Variants in STK4 observed in about 807,000 individuals in gnomAD.
STK4 encodes serine/threonine-protein kinase 4.
Under a neutral mutation model 64.9 loss-of-function variants are expected in STK4, and 30 were observed. That is an observed-to-expected ratio of 0.46 (90% confidence interval 0.35 to 0.63). STK4 has a LOEUF of 0.63. STK4 is among the 20% of genes least tolerant of loss of function. STK4 has a pLI of 0.01. For synonymous variants in STK4, 177 were observed against 199.0 expected (o/e 0.89, Z 0.93); for missense variants, 466 against 598.5 (o/e 0.78, Z 2.31).
intron 9 of STK4, among the ~76,000 whole-genome samples, chr20:45,009,321 G>T (rs896451359): frequency 1.3e-5 from 2 of 152,008 alleles, no homozygotes; most frequent in African/African-American, 4.8e-5. Context: ...GTTTTTGTTG[G>T]CCTTGTCGAA....
chr20:45,028,025 G>A (rs550829963), intron 10 of STK4, among the ~76,000 whole-genome samples: 1 of 152,286 alleles, frequency 6.6e-6, no homozygotes, highest in African/African-American at 2.4e-5. Context: ...GGACACTTGG[G>A]TTGATTCCAT....
intron 9 of STK4, among the ~76,000 whole-genome samples, chr20:45,006,586 G>T (rs569134050): frequency 3.3e-5 from 5 of 152,048 alleles, no homozygotes; most frequent in Admixed American, 3.3e-4. Context: ...CTTATGTTTG[G>T]TGAGAATTAT....
chr20:44,999,049 C>T (rs1434257350), intron 7 of STK4, among the ~76,000 whole-genome samples: 1 of 144,160 alleles, frequency 6.9e-6, no homozygotes, highest in Non-Finnish European at 1.5e-5. Context: ...GTCTGGGCAA[C>T]AGAGCAAGAC....
chr20:45,072,056 C>T (rs192948056), intron 10 of STK4, among the ~76,000 whole-genome samples: 234 of 152,300 alleles, frequency 1.5e-3, no homozygotes, highest in African/African-American at 5.3e-3. Flanking sequence ...AGCTACCATG[C>T]CCAGCGTGAA....
At chr20:45,069,149 G>A (rs1281832904) in intron 10 of STK4, among the ~76,000 whole-genome samples, 5 of 152,206 alleles carry the variant, frequency 3.3e-5, no homozygotes, top group East Asian at 1.9e-4. Context: ...TGTCAGGCTC[G>A]GAGCCCGTCC....
chr20:44,990,549 G>T (rs1196789706), intron 5 of STK4, among the ~76,000 whole-genome samples: 2 of 152,046 alleles, frequency 1.3e-5, no homozygotes, highest in Non-Finnish European at 2.9e-5. Flanking sequence ...CTAAGTTTAG[G>T]CCCCTCTCCG....
At chr20:45,069,914 C>G (rs539827360) in intron 10 of STK4, among the ~76,000 whole-genome samples, 1 of 152,028 alleles carries the variant, frequency 6.6e-6, no homozygotes, top group East Asian at 1.9e-4. Flanking sequence ...TTGAAGAAAA[C>G]AAGAGTCTGA....
chr20:44,973,335 C>G (rs2067284023), intron 2 of STK4: 1 of 152,086 alleles, frequency 6.6e-6, no homozygotes, highest in Non-Finnish European at 1.5e-5. Context: ...AGCAAGAAAT[C>G]AAGCAGAGAA....
chr20:45,022,947 A>G (rs745773335), intron 9 of STK4, among the ~76,000 whole-genome samples: 12 of 152,252 alleles, frequency 7.9e-5, no homozygotes, highest in Non-Finnish European at 1.3e-4. Flanking sequence ...TGCGTGATAT[A>G]TGCAGCTTAC....
At chr20:45,001,054 C>A in intron 8 of STK4, 113 bp from the exon 9 acceptor site, 1 of 1,195,788 alleles carries the variant, frequency 8.4e-7, no homozygotes, top group Non-Finnish European at 1.2e-6. Flanking sequence ...GAGTTTAGGA[C>A]CTGAATAAGT....
chr20:45,012,360 A>C (rs188347267), intron 9 of STK4, among the ~76,000 whole-genome samples: 1 of 152,200 alleles, frequency 6.6e-6, no homozygotes, highest in African/African-American at 2.4e-5. Flanking sequence ...TAGGATCAGT[A>C]TATCAAATTT....
intron 10 of STK4, among the ~76,000 whole-genome samples, chr20:45,044,789 G>A (rs187161397): frequency 6.6e-6 from 1 of 152,312 alleles, no homozygotes; most frequent in East Asian, 1.9e-4. Flanking sequence ...AGGGTGAATG[G>A]CCCAGGCTTT....
At chr20:45,059,305 T>G (rs1978781182) in intron 10 of STK4, among the ~76,000 whole-genome samples, 1 of 152,252 alleles carries the variant, frequency 6.6e-6, no homozygotes, top group South Asian at 2.1e-4. Context: ...TGATTTTTTG[T>G]TGTTAGCCAA....
chr20:44,977,900 T>A (rs2067367231), intron 2 of STK4, among the ~76,000 whole-genome samples: 1 of 152,098 alleles, frequency 6.6e-6, no homozygotes, highest in Admixed American at 6.5e-5. Context: ...GGTACTAGAG[T>A]GAATACAATA....
In STK4 at chr20:45,059,360, T is replaced by G. The variant is rs376766037; in HGVS notation, c.1306-15658T>G. Among the ~76,000 whole-genome samples the G allele has an allele frequency of 5.3e-5, 8 of 152,372 alleles. No individual in the cohort carries two copies. In the East Asian group the frequency reaches 1.2e-3, roughly 22 times the overall value. On this transcript the variant is annotated intron_variant, in intron 10 of 10. Transcript: ENST00000372806. ...TAAAGGAAGCACATCATGGTTTCTC[T>G]TCGGCATATGTGAATTGCCAGCATC... is the stretch of plus-strand genomic sequence containing the variant.
chr20:45,059,785 A>AT (rs1978835106), intron 10 of STK4, among the ~76,000 whole-genome samples: 2 of 152,028 alleles, frequency 1.3e-5, no homozygotes, highest in Middle Eastern at 6.8e-3. Flanking sequence ...AATTTTTTTC[A>AT]TTTTTTTCCT....
At chr20:44,985,829 G>A (rs536683447) in intron 4 of STK4, among the ~76,000 whole-genome samples, 2 of 152,332 alleles carry the variant, frequency 1.3e-5, no homozygotes, top group African/African-American at 4.8e-5. Flanking sequence ...TCACATGAAA[G>A]TAGAGCCAAG....
At chr20:45,035,815 G>A (rs1011597247) in intron 10 of STK4, among the ~76,000 whole-genome samples, 2 of 151,356 alleles carry the variant, frequency 1.3e-5, no homozygotes, top group Admixed American at 6.6e-5. Context: ...TAGTCATTAC[G>A]CTTAGAGAGT....
At chr20:44,980,668 A>G (rs1323165578) in intron 3 of STK4, among the ~76,000 whole-genome samples, 1 of 152,002 alleles carries the variant, frequency 6.6e-6, no homozygotes, top group African/African-American at 2.4e-5. Context: ...AGAAATCATC[A>G]TTTTTTCTTT....
Sources: gnomAD v4.1 joint callset for allele counts (sites outside exome capture counted in the v4.1 genomes callset) on GRCh38, gnomAD v4.1.1 for gene constraint, MANE v1.5 for transcripts, NCBI Gene and HGNC (gene_info 2026-07-23, HGNC 2026-07-21) for gene names.